COL9A1: variants seen among roughly 807,000 people sequenced by gnomAD.
COL9A1 encodes the protein collagen alpha-1(IX) chain.
Under a neutral mutation model 142.6 loss-of-function variants are expected in COL9A1, and 104 were observed. The ratio of observed to expected loss-of-function variants is 0.73; its 90% CI spans 0.62 to 0.86. The LOEUF (loss-of-function observed/expected upper bound fraction) is 0.86. Ranked by LOEUF, COL9A1 falls within the 40% of genes least tolerant of loss-of-function variation. The pLI, the probability that COL9A1 is intolerant of heterozygous loss-of-function variation, is 0.00. For synonymous variants in COL9A1, 466 were observed against 396.0 expected (o/e 1.18, Z -2.10); for missense variants, 1,210 against 1,176.6 (o/e 1.03, Z -0.42).
chr6:70,252,562 T>G (rs1467947650), intron 26 of COL9A1, among the ~76,000 whole-genome samples: 1 of 152,184 alleles, frequency 6.6e-6, no homozygotes, highest in Non-Finnish European at 1.5e-5. Context: ...GGTTTTAGCC[T>G]TCAGTTAAGG....
At chr6:70,272,815 A>G (rs1772494422) in intron 12 of COL9A1, among the ~76,000 whole-genome samples, 1 of 152,180 alleles carries the variant, frequency 6.6e-6, no homozygotes, top group Admixed American at 6.5e-5. Context: ...CACGGGGCCT[A>G]GCATATAACA....
intron 28 of COL9A1, among the ~76,000 whole-genome samples, chr6:70,246,572 C>T (rs981189153): frequency 6.6e-6 from 1 of 152,124 alleles, no homozygotes; most frequent in Non-Finnish European, 1.5e-5. Flanking sequence ...CCCTCTGATT[C>T]TAATTCTGCA....
intron 5 of COL9A1, among the ~76,000 whole-genome samples, chr6:70,288,658 C>T (rs113864306): frequency 1.1e-3 from 163 of 152,278 alleles, no homozygotes; most frequent in African/African-American, 3.2e-3. Flanking sequence ...AGACATCACA[C>T]ACCTACACCA....
At position 70,216,654 on chromosome 6, in the gene COL9A1, CT is replaced by C. The variant is rs3215859; in HGVS notation, c.*242del. On this transcript the variant is annotated 3_prime_UTR_variant, in exon 38 of 38. Coordinates refer to ENST00000357250, the MANE Select transcript of COL9A1 (RefSeq NM_001851.6). ...TTATTCAAGGGAGGTGTTTGGTTTT[CT>C]TTTTTTTTTTTTAACTGATGACTCT... is the stretch of plus-strand genomic sequence containing the variant. 56,561 of 464,440 alleles carry C rather than the reference CT, an allele frequency of 0.12. No individual in the cohort carries two copies. The highest frequency in any genetic ancestry group is 0.19 in the South Asian group (7,423 of 39,362). The allele number at this position is 464,440 out of a possible 1,614,324, so 28.8% of individuals were successfully genotyped here.
intron 35 of COL9A1, 106 bp downstream of exon 35, chr6:70,234,433 G>C: frequency 8.7e-7 from 1 of 1,150,854 alleles, no homozygotes. Flanking sequence ...CTATCTTTAA[G>C]GCACACAAAA....
intron 36 of COL9A1, among the ~76,000 whole-genome samples, chr6:70,232,213 G>A (rs1354704214): frequency 6.6e-6 from 1 of 152,054 alleles, no homozygotes; most frequent in African/African-American, 2.4e-5. Flanking sequence ...CCATGTTAGA[G>A]GAACTCAACA....
At chr6:70,256,918 A>T in intron 20 of COL9A1, 97 bp from the exon 21 acceptor site, 1 of 1,200,538 alleles carries the variant, frequency 8.3e-7, no homozygotes, top group South Asian at 1.3e-5. Flanking sequence ...CCAGATGAAA[A>T]GGAGGTTTTG....
chr6:70,223,636 C>T (rs1769031162), intron 37 of COL9A1, among the ~76,000 whole-genome samples: 2 of 152,196 alleles, frequency 1.3e-5, no homozygotes, highest in Admixed American at 6.5e-5. Flanking sequence ...AAACCCAAGC[C>T]CTCAGCTGGT....
chr6:70,227,982 T>C (rs1261947037), intron 36 of COL9A1, among the ~76,000 whole-genome samples: 1 of 152,014 alleles, frequency 6.6e-6, no homozygotes. Flanking sequence ...AAGAAAAGAA[T>C]AGTATTGATT....
In COL9A1 at chr6:70,239,138, C is replaced by CA. The variant is rs34540808; in HGVS notation, c.2112+115dup. On this transcript the variant is annotated intron_variant, in intron 33 of 37. Coordinates refer to ENST00000357250, the MANE Select transcript of COL9A1 (RefSeq NM_001851.6). The stretch of plus-strand genomic sequence containing the variant: ...TGGGCGACAGAGTGAGACTCCATCT[C>CA]AAAAAAAAAAAGAATTGAATGTTAC... 97,109 of 616,492 alleles carry CA rather than the reference C, an allele frequency of 0.16. 1,690 individuals are homozygous for CA. The highest frequency in any genetic ancestry group is 0.21 in the Middle Eastern group (422 of 2,028). The allele number at this position is 616,492 out of a possible 1,614,324, so 38.2% of individuals were successfully genotyped here. A position where few individuals can be genotyped will look rare whatever the true frequency, so the allele number is the denominator to read the frequency against.
chr6:70,300,406 T>C lies in COL9A1; in HGVS notation c.89-20A>G, dbSNP rs887185388. On this transcript the variant is annotated intron_variant, in intron 2 of 37. Coordinates refer to ENST00000357250, the MANE Select transcript of COL9A1 (RefSeq NM_001851.6). The stretch of plus-strand genomic sequence containing the variant: ...GGAATCCTGCAAAAGAGATAGCATG[T>C]CATTCTACTTCATCCACTCTAACTT... The C allele has an allele frequency of 1.4e-5, 19 of 1,334,500 alleles. No homozygotes were observed. In the Admixed American group the frequency reaches 3.2e-4, roughly 22 times the overall value. 82.7% of individuals were successfully genotyped at this position (1,334,500 alleles called of 1,614,324 possible).
chr6:70,275,478 A>G (rs928893074), intron 10 of COL9A1, among the ~76,000 whole-genome samples: 2 of 152,128 alleles, frequency 1.3e-5, no homozygotes, highest in African/African-American at 4.8e-5. Context: ...GCCTATTATT[A>G]TAAACCACAT....
chr6:70,283,684 G>T, intron 6 of COL9A1, 53 bp downstream of exon 6: 1 of 1,352,368 alleles, frequency 7.4e-7, no homozygotes, highest in Non-Finnish European at 1.0e-6. Context: ...GTGGTGAGGT[G>T]GAGAGGGTTG....
chr6:70,281,301 A>G (rs1423410654), intron 8 of COL9A1, 89 bp downstream of exon 8: 1 of 201,852 alleles, frequency 5.0e-6, no homozygotes, highest in Non-Finnish European at 6.3e-6. Context: ...GTCCTCTCTG[A>G]AAAAAAAAAA....
Position 70,225,954 on chromosome 6 carries a change from C to T in COL9A1, c.2559G>A (p.Leu853=), listed in dbSNP as rs368114172. ...RGPPGRGPNG[L]PGAIGLPGDP... is the part of the protein sequence containing the mutation. ...TACCTGGGAGACCTATAGCTCCAGG[C>T]AAACCGTTGGGACCTCTTCCTGGAG... Residue 853 remains leucine (L), a synonymous_variant, in exon 37 of 38, where the codon TTG becomes TTA. Transcript: ENST00000357250. 6.2e-7 allele frequency: 1 copy of T among 1,613,980 alleles called. No homozygotes were observed. The highest frequency in any genetic ancestry group is 8.5e-7 in the Non-Finnish European group (1 of 1,179,948).
chr6:70,290,103 G>A (rs760700550), intron 5 of COL9A1, among the ~76,000 whole-genome samples: 1 of 152,092 alleles, frequency 6.6e-6, no homozygotes, highest in Non-Finnish European at 1.5e-5. Flanking sequence ...GTAAAAAGAA[G>A]GATGGTTTGA....
intron 35 of COL9A1, 52 bp from the exon 36 acceptor site, chr6:70,232,823 T>G (rs749231567): frequency 1.4e-5 from 21 of 1,544,972 alleles, no homozygotes; most frequent in Non-Finnish European, 1.8e-5. Context: ...ATAAAAGTTA[T>G]TCTAATGAAA....
intron 10 of COL9A1, chr6:70,279,666 A>AAAAAAAAAAAAC (rs1562322878): frequency 5.9e-6 from 1 of 170,820 alleles, no homozygotes; most frequent in African/African-American, 2.6e-5. Context: ...AAAAAAAAAA[A>AAAAAAAAAAAAC]AAAACACATA....
chr6:70,292,835 AT>A (rs1773706475), intron 5 of COL9A1, among the ~76,000 whole-genome samples: 1 of 152,150 alleles, frequency 6.6e-6, no homozygotes, highest in South Asian at 2.1e-4. Context: ...GCTGCACAGA[AT>A]TTCAAGATGG....
Sources: gnomAD v4.1 joint callset for allele counts (sites outside exome capture counted in the v4.1 genomes callset) on GRCh38, gnomAD v4.1.1 for gene constraint, MANE v1.5 for transcripts, NCBI Gene and HGNC (gene_info 2026-07-23, HGNC 2026-07-21) for gene names.